SGCZ: variants seen among roughly 807,000 people sequenced by gnomAD.
SGCZ encodes zeta-sarcoglycan.
In SGCZ, 40 loss-of-function variants were observed where a neutral mutation model predicts 41.3. The ratio of observed to expected loss-of-function variants is 0.97; its 90% CI spans 0.75 to 1.26. SGCZ has a LOEUF of 1.26. Ranked by LOEUF, SGCZ falls within the 50% of genes most tolerant of loss-of-function variation. The probability of loss-of-function intolerance (pLI) is 0.00; values close to 1 mark genes in which losing one functional copy is unlikely to be tolerated. For synonymous variants in SGCZ, 206 were observed against 137.5 expected (o/e 1.50, Z -3.49); for missense variants, 552 against 369.8 (o/e 1.49, Z -4.04).
intron 2 of SGCZ, among the ~76,000 whole-genome samples, chr8:14,492,992 C>A (rs1286163650): frequency 6.6e-6 from 1 of 152,062 alleles, no homozygotes; most frequent in African/African-American, 2.4e-5. Context: ...TCTAACCCCC[C>A]AACTCTCTAA....
In SGCZ at chr8:14,385,986, T is replaced by C. The variant is rs143288693; in HGVS notation, c.235-61782A>G. Among the ~76,000 whole-genome samples the C allele has an allele frequency of 7.2e-5, 11 of 152,322 alleles. No homozygotes were observed. In the East Asian group the frequency reaches 1.9e-3, roughly 27 times the overall value. On this transcript the variant is annotated intron_variant, in intron 2 of 7. Coordinates refer to ENST00000382080, the MANE Select transcript of SGCZ (RefSeq NM_139167.4). Reference sequence around the variant, plus strand: ...CTTATAATACCAAATACAATGTAAATACTATGTAAATCGCTGTTATACTCT... The same window carrying C: ...CTTATAATACCAAATACAATGTAAACACTATGTAAATCGCTGTTATACTCT...
chr8:14,844,565 T>G (rs1366844631), intron 1 of SGCZ, among the ~76,000 whole-genome samples: 1 of 152,174 alleles, frequency 6.6e-6, no homozygotes, highest in Non-Finnish European at 1.5e-5. Flanking sequence ...GCTCCTCTCA[T>G]CCAGCTGACA....
At chr8:15,038,208 C>A (rs754728257) in intron 1 of SGCZ, among the ~76,000 whole-genome samples, 2 of 152,058 alleles carry the variant, frequency 1.3e-5, no homozygotes, top group Non-Finnish European at 2.9e-5. Flanking sequence ...TCAAAATATA[C>A]TACAAAGCTA....
intron 3 of SGCZ, among the ~76,000 whole-genome samples, chr8:14,275,707 G>A (rs1024338364): frequency 6.6e-6 from 1 of 152,124 alleles, no homozygotes; most frequent in Admixed American, 6.5e-5. Flanking sequence ...TTGATTCAGT[G>A]AAGACAACAG....
At chr8:15,109,087 T>C (rs1158253640) in intron 1 of SGCZ, among the ~76,000 whole-genome samples, 1 of 151,980 alleles carries the variant, frequency 6.6e-6, no homozygotes, top group Non-Finnish European at 1.5e-5. Flanking sequence ...GAAAAACAAA[T>C]ATGCAAAAAA....
At chr8:14,382,725 GT>G (rs1804414867) in intron 2 of SGCZ, among the ~76,000 whole-genome samples, 2 of 152,210 alleles carry the variant, frequency 1.3e-5, no homozygotes, top group South Asian at 4.1e-4. Context: ...AATGGGCAAA[GT>G]ATTGAATACT....
chr8:14,885,948 G>T lies in SGCZ; in HGVS notation c.40-331022C>A, dbSNP rs965219316. Among the ~76,000 whole-genome samples the T allele has an allele frequency of 1.1e-4, 14 of 127,642 alleles. No homozygotes were observed. In the South Asian group the frequency reaches 3.5e-3, roughly 32 times the overall value. 83.7% of individuals were successfully genotyped at this position (127,642 alleles called of 152,430 possible). ...TCTGTTAGAAATTTAGCATATTTCT[G>T]TACAGTCTGTCTTTTTTAATCATAA... is the stretch of plus-strand genomic sequence containing the variant. On this transcript the variant is annotated intron_variant, in intron 1 of 7. Transcript: ENST00000382080.
chr8:15,237,765 C>T lies in SGCZ; in HGVS notation c.-142G>A. 1 of 689,034 alleles carries T rather than the reference C, an allele frequency of 1.5e-6. No homozygotes were observed. Among genetic ancestry groups the T allele is most frequent in the South Asian group, 1.8e-5 (1 of 54,338 alleles). The allele number at this position is 689,034 out of a possible 1,614,324, so 42.7% of individuals were successfully genotyped here. ...CTCAGTCTCATTCTCCGTGGTCACG[C>T]CGCCTCCACCGGGTTAAAAATAAGG... is the stretch of plus-strand genomic sequence containing the variant. On this transcript the variant is annotated 5_prime_UTR_variant, in exon 1 of 8. Transcript: ENST00000382080.
intron 3 of SGCZ, among the ~76,000 whole-genome samples, chr8:14,260,422 G>A (rs1315869169): frequency 7.0e-6 from 1 of 142,808 alleles, no homozygotes; most frequent in Non-Finnish European, 1.6e-5. Flanking sequence ...AGTTAGAATG[G>A]CGATCATTAA....
At chr8:15,182,498 G>C (rs1219778176) in intron 1 of SGCZ, among the ~76,000 whole-genome samples, 1 of 152,118 alleles carries the variant, frequency 6.6e-6, no homozygotes, top group Non-Finnish European at 1.5e-5. Flanking sequence ...CTGAATACCA[G>C]AGGCAACTTT....
chr8:14,903,334 G>T (rs543766412), intron 1 of SGCZ, among the ~76,000 whole-genome samples: 1 of 152,166 alleles, frequency 6.6e-6, no homozygotes, highest in South Asian at 2.1e-4. Flanking sequence ...GAAATTTTAT[G>T]ATCCTCACCA....
intron 1 of SGCZ, among the ~76,000 whole-genome samples, chr8:14,771,680 A>G (rs1449526164): frequency 6.6e-6 from 1 of 152,182 alleles, no homozygotes; most frequent in East Asian, 1.9e-4. Context: ...TTTGCAATCA[A>G]ATACATTTGG....
intron 1 of SGCZ, among the ~76,000 whole-genome samples, chr8:15,048,149 A>G (rs534704552): frequency 5.6e-4 from 85 of 152,226 alleles, no homozygotes; most frequent in African/African-American, 2.0e-3. Context: ...AACTTCAGCC[A>G]TAAAAGAATG....
At chr8:15,157,118 G>A (rs1340625185) in intron 1 of SGCZ, among the ~76,000 whole-genome samples, 1 of 152,076 alleles carries the variant, frequency 6.6e-6, no homozygotes, top group Non-Finnish European at 1.5e-5. Context: ...CTAAAATGAT[G>A]CAGAGGCAGA....
chr8:14,302,338 T>C (rs1801219604), intron 3 of SGCZ, among the ~76,000 whole-genome samples: 1 of 152,200 alleles, frequency 6.6e-6, no homozygotes, highest in African/African-American at 2.4e-5. Flanking sequence ...CACCCTTATA[T>C]AGGTTTACTT....
intron 2 of SGCZ, among the ~76,000 whole-genome samples, chr8:14,477,029 T>G (rs1049820152): frequency 2.0e-5 from 3 of 152,342 alleles, no homozygotes; most frequent in South Asian, 2.1e-4. Context: ...GACTGCCTAC[T>G]GGTTGCAAAT....
At chr8:14,326,149 A>C (rs1048654653) in intron 2 of SGCZ, among the ~76,000 whole-genome samples, 4 of 140,222 alleles carry the variant, frequency 2.9e-5, no homozygotes, top group African/African-American at 1.0e-4. Flanking sequence ...CGTGTCAAGA[A>C]ATACTTGAAT....
At chr8:14,770,957 G>C (rs888727375) in intron 1 of SGCZ, among the ~76,000 whole-genome samples, 2 of 152,088 alleles carry the variant, frequency 1.3e-5, no homozygotes, top group African/African-American at 4.8e-5. Context: ...GACAGATGAA[G>C]TTTCCAGGAA....
intron 2 of SGCZ, among the ~76,000 whole-genome samples, chr8:14,547,506 T>A (rs1803667730): frequency 1.3e-5 from 2 of 152,306 alleles, no homozygotes; most frequent in South Asian, 4.1e-4. Flanking sequence ...ACATTTTTCC[T>A]GGCAAAATGT....
Sources: gnomAD v4.1 joint callset for allele counts (sites outside exome capture counted in the v4.1 genomes callset) on GRCh38, gnomAD v4.1.1 for gene constraint, MANE v1.5 for transcripts, NCBI Gene and HGNC (gene_info 2026-07-23, HGNC 2026-07-21) for gene names.